SNRNP40: variants seen among roughly 807,000 people sequenced by gnomAD.
SNRNP40 encodes U5 small nuclear ribonucleoprotein 40 kDa protein.
Under a neutral mutation model 45.8 loss-of-function variants are expected in SNRNP40, and 21 were observed. That is an observed-to-expected ratio of 0.46 (90% CI 0.32 to 0.66). The LOEUF (loss-of-function observed/expected upper bound fraction) is 0.66. Among genes scored for constraint, SNRNP40 ranks in the 30% least tolerant of loss-of-function variants. SNRNP40 has a pLI of 0.03. For missense variants in SNRNP40, 344 were observed against 439.1 expected, an observed-to-expected ratio of 0.78 and a Z score of 1.94; for synonymous variants, 142 against 163.8, an observed-to-expected ratio of 0.87 and a Z score of 1.01.
At chr1:31,288,108 A>G (rs995287804) in intron 4 of SNRNP40, among the ~76,000 whole-genome samples, 2 of 152,008 alleles carry the variant, frequency 1.3e-5, no homozygotes, top group Admixed American at 6.6e-5. Flanking sequence ...GGCTACAGTG[A>G]GCCAAGATTG....
At chr1:31,284,517 A>G (rs1020990728) in intron 4 of SNRNP40, among the ~76,000 whole-genome samples, 1 of 152,222 alleles carries the variant, frequency 6.6e-6, no homozygotes, top group Non-Finnish European at 1.5e-5. Context: ...TAACACAGAG[A>G]GGGCTCAGAG....
chr1:31,295,356 AAGAG>A (rs1553167628), intron 1 of SNRNP40, among the ~76,000 whole-genome samples: 1 of 151,790 alleles, frequency 6.6e-6, no homozygotes, highest in Non-Finnish European at 1.5e-5. Flanking sequence ...AAAACAAAAA[AAGAG>A]AGAGAGAGAA....
chr1:31,281,487 T>C lies in SNRNP40; in HGVS notation c.541A>G (p.Ile181Val). 1 of 1,605,854 alleles carries C rather than the reference T, an allele frequency of 6.2e-7. No individual in the cohort carries two copies. The highest frequency in any genetic ancestry group is 8.5e-7 in the Non-Finnish European group (1 of 1,173,034). ...SDDGTVKLWD[I>V]RKKAAIQTFQ... ...GTCTGGATGGCTGCTTTCTTCCGGATGTCCCAAAGCTGAAGCAAAGGACAA... is the reference window on the plus strand; with the variant it reads ...GTCTGGATGGCTGCTTTCTTCCGGACGTCCCAAAGCTGAAGCAAAGGACAA... Residue 181 changes from isoleucine (I) to valine (V), a missense_variant, in exon 5 of 10, where the codon ATC (isoleucine) becomes GTC (valine). Physicochemically the swap from Ile to Val is conservative, Grantham distance 29 (BLOSUM62 3). Transcript: ENST00000263694.
At chr1:31,268,220 A>G (rs1183015722) in intron 7 of SNRNP40, among the ~76,000 whole-genome samples, 1 of 151,610 alleles carries the variant, frequency 6.6e-6, no homozygotes, top group Non-Finnish European at 1.5e-5. Flanking sequence ...TTATCTTGAT[A>G]CTCATTTTTT....
intron 8 of SNRNP40, chr1:31,263,560 C>A (rs867798084): frequency 4.4e-6 from 2 of 451,206 alleles, no homozygotes; most frequent in Admixed American, 2.5e-5. Context: ...GACTTTATAG[C>A]CTTATCAAAC....
At chr1:31,260,953 A>G (rs1483295042) in intron 9 of SNRNP40, 3 of 1,135,798 alleles carry the variant, frequency 2.6e-6, no homozygotes, top group African/African-American at 3.3e-5. Context: ...AATTAGACTT[A>G]CCAACTTCCC....
intron 4 of SNRNP40, 112 bp downstream of exon 4, chr1:31,289,142 G>A (rs1532859): frequency 1 from 906,519 of 910,114 alleles, 451,563 homozygotes; most frequent in East Asian, 1. Flanking sequence ...TGTTATGGGA[G>A]ATGACTGCTA....
At chr1:31,269,087 T>G in intron 7 of SNRNP40, 71 bp downstream of exon 7, 1 of 1,383,140 alleles carries the variant, frequency 7.2e-7, no homozygotes, top group Non-Finnish European at 9.7e-7. Flanking sequence ...CTGCTCTCTA[T>G]CCTTAGTACC....
chr1:31,282,186 G>A (rs1646021255), intron 4 of SNRNP40: 1 of 151,966 alleles, frequency 6.6e-6, no homozygotes, highest in South Asian at 2.1e-4. Flanking sequence ...GAAGCAAAGG[G>A]GGCCTATTTC....
chr1:31,287,078 G>T (rs752805995), intron 4 of SNRNP40, among the ~76,000 whole-genome samples: 1 of 152,162 alleles, frequency 6.6e-6, no homozygotes, highest in African/African-American at 2.4e-5. Context: ...GGAAACCTTT[G>T]CTTTCTGTTA....
intron 3 of SNRNP40, among the ~76,000 whole-genome samples, chr1:31,290,318 T>C (rs1019995693): frequency 1.1e-4 from 16 of 152,168 alleles, no homozygotes; most frequent in Admixed American, 1.0e-3. Flanking sequence ...TATAAGCACA[T>C]GCCACCAGGC....
intron 5 of SNRNP40, among the ~76,000 whole-genome samples, chr1:31,279,087 T>C (rs918684765): frequency 3.3e-5 from 5 of 149,272 alleles, no homozygotes; most frequent in African/African-American, 1.3e-4. Flanking sequence ...GAAGAATGAA[T>C]GGTATGTGAG....
chr1:31,276,661 G>T (rs1268238601), intron 5 of SNRNP40, among the ~76,000 whole-genome samples: 1 of 151,944 alleles, frequency 6.6e-6, no homozygotes, highest in African/African-American at 2.4e-5. Flanking sequence ...CAAGGAGGGA[G>T]GACTGCTTGA....
At chr1:31,262,471 A>G (rs889851495) in intron 8 of SNRNP40, among the ~76,000 whole-genome samples, 18 of 141,238 alleles carry the variant, frequency 1.3e-4, no homozygotes, top group African/African-American at 4.5e-4. Context: ...CAGTGAGCTG[A>G]GACCGTGGCA....
chr1:31,289,292 G>C lies in SNRNP40; in HGVS notation c.493C>G (p.Gln165Glu). The change falls in exon 4 of 10, where the codon CAG (glutamine) becomes GAG (glutamate). Residue 165 changes from glutamine to glutamate, a missense_variant. This residue lies in a region of SNRNP40 where 254 missense variants were observed against 380.2 expected (regional missense o/e 0.67). Coordinates refer to ENST00000263694, the MANE Select transcript of SNRNP40 (RefSeq NM_004814.3). Reference protein sequence around the residue: ...NSCYPARRGPQLVCTGSDDGT... With the variant: ...NSCYPARRGPELVCTGSDDGT... ...TCGTCACTGCCAGTGCAGACAAGCT[G>C]AGGGCCTCTCCTGGCTGGATAACAG... The C allele has an allele frequency of 6.2e-7, 1 of 1,614,098 alleles. No individual in the cohort carries two copies. Among genetic ancestry groups the C allele is most frequent in the Non-Finnish European group, 8.5e-7 (1 of 1,179,946 alleles).
chr1:31,262,151 C>T (rs1392608049), intron 8 of SNRNP40, among the ~76,000 whole-genome samples: 2 of 152,180 alleles, frequency 1.3e-5, no homozygotes, highest in African/African-American at 4.8e-5. Context: ...CTAATACTCA[C>T]TTGAGCCAAC....
At chr1:31,263,912 C>T (rs1435247584) in intron 8 of SNRNP40, among the ~76,000 whole-genome samples, 2 of 43,064 alleles carry the variant, frequency 4.6e-5, no homozygotes, top group Non-Finnish European at 9.5e-5. Flanking sequence ...AATGTACTGG[C>T]TAAAAAAAAA....
intron 4 of SNRNP40, among the ~76,000 whole-genome samples, chr1:31,286,634 T>C (rs975714492): frequency 6.6e-6 from 1 of 152,196 alleles, no homozygotes; most frequent in African/African-American, 2.4e-5. Flanking sequence ...CTCCCCGTAC[T>C]GCTTCACGTA....
rs563227668 is a variant in SNRNP40 at position 31,268,897 on chromosome 1, A to C, written c.858+261T>G. Reference sequence around the variant, plus strand: ...TTCCCAAGTAATTAAAAAGGCCAGGAGTCTCTTGTTGAGGCTGGTGTCAAG... The same window carrying C: ...TTCCCAAGTAATTAAAAAGGCCAGGCGTCTCTTGTTGAGGCTGGTGTCAAG... On this transcript the variant is annotated intron_variant, in intron 7 of 9. Coordinates refer to ENST00000263694, the MANE Select transcript of SNRNP40 (RefSeq NM_004814.3). 3.9e-5 allele frequency among the ~76,000 whole-genome samples: 6 copies of C among 152,240 alleles called. No homozygotes were observed. In the South Asian group the frequency reaches 6.2e-4, roughly 16 times the overall value.
Sources: gnomAD v4.1 joint callset for allele counts (sites outside exome capture counted in the v4.1 genomes callset) on GRCh38, gnomAD v4.1.1 for gene constraint, gnomAD v4.1.1 regional missense constraint, MANE v1.5 for transcripts, NCBI Gene and HGNC (gene_info 2026-07-23, HGNC 2026-07-21) for gene names.